TOP1MT: variants seen among roughly 807,000 people sequenced by gnomAD.
TOP1MT encodes the protein DNA topoisomerase I, mitochondrial.
TOP1MT carries 80 observed loss-of-function variants against 73.9 expected under a neutral mutation model. The observed-to-expected ratio is 1.08, with a 90% CI of 0.90 to 1.30. The LOEUF (loss-of-function observed/expected upper bound fraction) is 1.30. Ranked by LOEUF, TOP1MT falls within the 50% of genes most tolerant of loss-of-function variation. TOP1MT has a pLI of 0.00. For missense variants in TOP1MT, 815 were observed against 808.0 expected, an observed-to-expected ratio of 1.01 and a Z score of -0.10; for synonymous variants, 338 against 326.4, an observed-to-expected ratio of 1.04 and a Z score of -0.38.
intron 7 of TOP1MT, among the ~76,000 whole-genome samples, chr8:143,322,621 ACAGG>A (rs1816495076): frequency 1.5e-5 from 2 of 130,428 alleles, no homozygotes; most frequent in Non-Finnish European, 3.2e-5. Context: ...TGCATGCCAC[ACAGG>A]CACGTCACAC....
At chr8:143,310,424 G>A (rs949537750) in intron 12 of TOP1MT, 18 of 473,300 alleles carry the variant, frequency 3.8e-5, no homozygotes, top group Non-Finnish European at 5.9e-5. Context: ...ACAGAGGAGG[G>A]CCGTGGGCGG....
intron 7 of TOP1MT, among the ~76,000 whole-genome samples, chr8:143,322,534 G>A (rs1010194432): frequency 5.4e-5 from 2 of 37,322 alleles, no homozygotes; most frequent in African/African-American, 1.5e-4. Context: ...GCACGCCAAA[G>A]ATGCACGCCA....
Position 143,322,830 on chromosome 8 carries a change from ACACG to A in TOP1MT, c.960+1165_960+1168del, listed in dbSNP as rs1235483152. On this transcript the variant is annotated intron_variant, in intron 7 of 13. Coordinates refer to ENST00000329245, the MANE Select transcript of TOP1MT (RefSeq NM_052963.3). Reference sequence around the variant, plus strand: ...TGCATGCCACACACAGGCACGCCACACACGCACACCACACACGCACGCAACACAC... The same window carrying A: ...TGCATGCCACACACAGGCACGCCACACACACCACACACGCACGCAACACAC... Among the ~76,000 whole-genome samples the A allele has an allele frequency of 1.3e-3, 70 of 55,610 alleles. 15 individuals carry two copies. The highest frequency in any genetic ancestry group is 2.3e-3 in the Non-Finnish European group (58 of 25,102). The allele number at this position is 55,610 out of a possible 152,430, so 36.5% of individuals were successfully genotyped here. A position where few individuals can be genotyped will look rare whatever the true frequency, so the allele number is the denominator to read the frequency against.
At chr8:143,349,021 G>A (rs7820622), upstream of TOP1MT, among the ~76,000 whole-genome samples, 101 of 152,226 alleles carry the variant, frequency 6.6e-4, 1 homozygote, top group African/African-American at 2.3e-3. Context: ...GGGCAGAACC[G>A]CGGTCTCCAG....
chr8:143,310,735 G>A (rs889697595), intron 12 of TOP1MT, among the ~76,000 whole-genome samples: 6 of 152,214 alleles, frequency 3.9e-5, no homozygotes, highest in African/African-American at 4.8e-5. Context: ...TCGAATGTGC[G>A]TGGAAAGACA....
At chr8:143,343,440 G>A in intron 1 of TOP1MT, 1 of 352,724 alleles carries the variant, frequency 2.8e-6, no homozygotes, top group Non-Finnish European at 5.7e-6. Context: ...AAAGCTGCTG[G>A]TGACCCACGT....
intron 2 of TOP1MT, among the ~76,000 whole-genome samples, chr8:143,342,393 GTTATTA>G (rs1271472824): frequency 8.6e-5 from 7 of 81,802 alleles, no homozygotes; most frequent in Admixed American, 2.3e-4. Flanking sequence ...GAGCCTCGCT[GTTATTA>G]TTATTATTAT....
At chr8:143,339,842 C>A (rs1245228914), upstream of TOP1MT, among the ~76,000 whole-genome samples, 83 of 137,834 alleles carry the variant, frequency 6.0e-4, no homozygotes, top group African/African-American at 1.2e-3. Flanking sequence ...GCATTCCCCC[C>A]GTCCCAGCAC....
rs1332424147 is a variant in TOP1MT, at chr8:143,315,804, C to T, written c.1476G>A (p.Glu492=). The change falls in exon 12 of 14, where the codon GAG becomes GAA. Residue 492 remains glutamate, a synonymous_variant. Transcript: ENST00000329245. ...NLQTKIQAKK[E]QVAEARAELR... ...GCTCTGCCCTGGCCTCAGCCACCTG[C>T]TCCTTCTTTGCCTGGATCTGCAGGA... 1.2e-6 allele frequency: 2 copies of T among 1,613,866 alleles called. No homozygotes were observed. Among genetic ancestry groups the T allele is most frequent in the Admixed American group, 3.3e-5 (2 of 60,024 alleles).
rs1817072874 is a variant in TOP1MT at position 143,341,145 on chromosome 8, T to C, written c.29+2075A>G. 6.6e-6 allele frequency among the ~76,000 whole-genome samples: 1 copy of C among 152,172 alleles called. No homozygotes were observed. Among genetic ancestry groups the C allele is most frequent in the South Asian group, 2.1e-4 (1 of 4,830 alleles). ...CCCTAGCGTCCCCGCCACCCTCTTCTCGTGCTGCCGCCCCAGTGCATCTCC... is the reference window on the plus strand; with the variant it reads ...CCCTAGCGTCCCCGCCACCCTCTTCCCGTGCTGCCGCCCCAGTGCATCTCC... On this transcript the variant is annotated intron_variant, in intron 2 of 5. Coordinates refer to the TOP1MT transcript ENST00000518007. The surrounding 1 kb of genome is among the most constrained non-coding windows in gnomAD (Gnocchi z 4.1).
chr8:143,315,898 T>C, intron 11 of TOP1MT, 77 bp from the exon 12 acceptor site: 2 of 1,604,672 alleles, frequency 1.2e-6, no homozygotes, highest in East Asian at 2.2e-5. Flanking sequence ...TTCCACACCC[T>C]ACGTGCCCAC....
chr8:143,359,717 C>A (rs1000260556), upstream of TOP1MT, among the ~76,000 whole-genome samples: 1 of 151,888 alleles, frequency 6.6e-6, no homozygotes, highest in East Asian at 1.9e-4. Flanking sequence ...TGGCGTCGTG[C>A]GCGGAGGGGG....
intron 1 of TOP1MT, among the ~76,000 whole-genome samples, chr8:143,354,254 T>C (rs1423648727): frequency 4.0e-5 from 6 of 151,882 alleles, no homozygotes; most frequent in African/African-American, 1.5e-4. Flanking sequence ...CCCAGCACAG[T>C]GTGGATGGAT....
Position 143,318,024 on chromosome 8 carries a change from C to A in TOP1MT, c.1209G>T (p.Arg403Ser). The change falls in exon 9 of 14, where the codon AGG becomes AGT. Residue 403 changes from arginine (R) to serine (S), a missense_variant. Arg to Ser is a moderately radical substitution (Grantham distance 110). This residue lies in a region of TOP1MT where 751 missense variants were observed against 725.4 expected (regional missense o/e 1.04). Coordinates refer to ENST00000329245, the MANE Select transcript of TOP1MT (RefSeq NM_052963.3). Reference protein sequence around the residue: ...NKDPRDDLFDRLTTTSLNKHL... With the variant: ...NKDPRDDLFDSLTTTSLNKHL... ...GAAACACGAGCCGGCTTACGGTCAGCCTGTCGAAGAGGTCGTCCCGGGGGT... is the reference window on the plus strand; with the variant it reads ...GAAACACGAGCCGGCTTACGGTCAGACTGTCGAAGAGGTCGTCCCGGGGGT... 1.2e-6 allele frequency: 2 copies of A among 1,614,146 alleles called. No individual in the cohort carries two copies. The highest frequency in any genetic ancestry group is 1.7e-6 in the Non-Finnish European group (2 of 1,180,002).
At chr8:143,330,087 G>A (rs1486977847) in intron 2 of TOP1MT, among the ~76,000 whole-genome samples, 1 of 152,230 alleles carries the variant, frequency 6.6e-6, no homozygotes, top group Admixed American at 6.5e-5. Context: ...TTGGTAAGAA[G>A]GAGGAAGGCA....
intron 7 of TOP1MT, 44 bp from the exon 8 acceptor site, chr8:143,321,430 C>T (rs1355747861): frequency 1.3e-6 from 2 of 1,515,060 alleles, no homozygotes; most frequent in Non-Finnish European, 8.9e-7. Flanking sequence ...CGTGCACACG[C>T]ACGCCACACA....
At chr8:143,328,154 T>C in intron 3 of TOP1MT, 1 of 431,026 alleles carries the variant, frequency 2.3e-6, no homozygotes. Context: ...AAATCATATT[T>C]CTGATAATGG....
upstream of TOP1MT, among the ~76,000 whole-genome samples, chr8:143,359,649 A>G (rs540482668): frequency 6.6e-6 from 1 of 151,392 alleles, no homozygotes; most frequent in South Asian, 2.1e-4. Flanking sequence ...GAGATGGAGG[A>G]AACACTGAGG....
chr8:143,333,195 C>T (rs1292998049), intron 1 of TOP1MT, among the ~76,000 whole-genome samples: 1 of 152,166 alleles, frequency 6.6e-6, no homozygotes, highest in African/African-American at 2.4e-5. Flanking sequence ...GCCTGTAATA[C>T]CAGCACTTTG....
Sources: allele counts gnomAD v4.1 joint callset (sites outside exome capture counted in the v4.1 genomes callset), GRCh38; gene constraint gnomAD v4.1.1; regional missense constraint gnomAD v4.1.1; non-coding constraint Gnocchi (gnomAD v3.1); transcripts MANE v1.5; gene names NCBI Gene and HGNC (gene_info 2026-07-23, HGNC 2026-07-21).